The following FYB1 variants were observed in gnomAD, a reference collection of about 807,000 sequenced individuals.
FYB1 encodes FYN binding protein 1.
A neutral mutation model predicts 94.1 loss-of-function variants in FYB1; 41 were observed. The observed-to-expected ratio is 0.44, with a 90% CI of 0.34 to 0.57. The LOEUF (loss-of-function observed/expected upper bound fraction) is 0.57. FYB1 is among the 20% of genes least tolerant of loss of function. The pLI is 0.02. For synonymous variants in FYB1, 367 were observed against 353.2 expected (o/e 1.04, Z -0.44); for missense variants, 1,050 against 976.8 (o/e 1.07, Z -1.00).
intron 7 of FYB1, among the ~76,000 whole-genome samples, chr5:39,135,857 T>C (rs1037007564): frequency 6.6e-6 from 1 of 152,198 alleles, no homozygotes; most frequent in African/African-American, 2.4e-5. Context: ...TATTATCATC[T>C]TGTGAAAGGA....
At chr5:39,121,256 C>T (rs1205775706) in intron 14 of FYB1, among the ~76,000 whole-genome samples, 1 of 140,972 alleles carries the variant, frequency 7.1e-6, no homozygotes, top group Non-Finnish European at 1.5e-5. Flanking sequence ...AATAGTAAAA[C>T]CTGAACATAT....
At position 39,147,830 on chromosome 5, in the gene FYB1, G is replaced by A. The variant is rs188879929; in HGVS notation, c.1292+5618C>T. Among the ~76,000 whole-genome samples, 206 of 149,712 alleles carry A rather than the reference G, an allele frequency of 1.4e-3. 2 individuals carry two copies. The East Asian group carries it at 0.018, about 13-fold the overall frequency. ...CGAGTAGCTGGGACTGCAGGCGCCC[G>A]CCACCACGCCCGGCTAATTTTTTGT... On this transcript the variant is annotated intron_variant, in intron 3 of 18. Coordinates refer to ENST00000512982, the MANE Select transcript of FYB1 (RefSeq NM_001465.6).
rs759778036 is a variant in FYB1, at chr5:39,202,675, C to T, written c.286G>A (p.Ala96Thr). ...TGAGQRFGTP[A>T]SLTTRDPEAK... Reference sequence around the variant, plus strand: ...TCGGGGTCTCTGGTGGTCAAGCTGGCTGGTGTTCCGAATCTTTGGCCTGCT... The same window carrying T: ...TCGGGGTCTCTGGTGGTCAAGCTGGTTGGTGTTCCGAATCTTTGGCCTGCT... Residue 96 changes from alanine (A) to threonine (T), a missense_variant, in exon 2 of 19, where the codon GCC becomes ACC. Ala to Thr is a moderately conservative substitution (Grantham distance 58). Coordinates refer to ENST00000512982, the MANE Select transcript of FYB1 (RefSeq NM_001465.6). 3 of 1,613,836 alleles carry T rather than the reference C, an allele frequency of 1.9e-6. No homozygotes were observed. The South Asian group carries it at 3.3e-5, about 18-fold the overall frequency.
intron 2 of FYB1, among the ~76,000 whole-genome samples, chr5:39,175,772 G>T (rs1052968632): frequency 6.6e-6 from 1 of 152,134 alleles, no homozygotes; most frequent in African/African-American, 2.4e-5. Context: ...TCAAGGAAGT[G>T]TTTGGAATTG....
intron 17 of FYB1, 96 bp downstream of exon 17, chr5:39,110,260 A>G (rs1738941127): frequency 1.5e-6 from 1 of 677,406 alleles, no homozygotes; most frequent in Non-Finnish European, 2.5e-6. Context: ...ATGATAGTTG[A>G]GTAGGTTACA....
intron 1 of FYB1, among the ~76,000 whole-genome samples, chr5:39,238,756 T>C (rs369524258): frequency 6.6e-6 from 1 of 152,218 alleles, no homozygotes; most frequent in Middle Eastern, 3.4e-3. Flanking sequence ...GATGGAAAGA[T>C]GATTAAGCCT....
At chr5:39,251,690 A>C (rs368157450) in intron 1 of FYB1, among the ~76,000 whole-genome samples, 37 of 152,338 alleles carry the variant, frequency 2.4e-4, no homozygotes, top group African/African-American at 8.9e-4. Context: ...AGGATTTAAG[A>C]ACTAAGTAAA....
chr5:39,154,924 T>G (rs545756791), intron 2 of FYB1, among the ~76,000 whole-genome samples: 10 of 152,316 alleles, frequency 6.6e-5, no homozygotes, highest in Admixed American at 5.2e-4. Flanking sequence ...TCAAATACTT[T>G]GCCTATTTCA....
intron 1 of FYB1, among the ~76,000 whole-genome samples, chr5:39,257,151 C>T (rs1398646313): frequency 1.3e-5 from 2 of 152,166 alleles, no homozygotes; most frequent in Non-Finnish European, 2.9e-5. Context: ...GTTTCTGTAG[C>T]TCAAATCTGA....
intron 1 of FYB1, among the ~76,000 whole-genome samples, chr5:39,245,028 T>C (rs2150596499): frequency 6.6e-6 from 1 of 152,348 alleles, no homozygotes; most frequent in Non-Finnish European, 1.5e-5. Flanking sequence ...GATTATTTTC[T>C]CTTTTCTTCT....
intron 2 of FYB1, among the ~76,000 whole-genome samples, chr5:39,197,381 G>A (rs1288177210): frequency 3.3e-5 from 5 of 152,054 alleles, no homozygotes; most frequent in Non-Finnish European, 7.4e-5. Context: ...TGGAAGCCCT[G>A]TTATATGAAA....
intron 6 of FYB1, 120 bp from the exon 7 acceptor site, chr5:39,137,840 A>T: frequency 7.4e-7 from 1 of 1,350,670 alleles, no homozygotes; most frequent in East Asian, 2.5e-5. Context: ...GTTGAAGGTA[A>T]AAAGCGAAAG....
intron 3 of FYB1, among the ~76,000 whole-genome samples, chr5:39,148,338 A>T (rs1742936940): frequency 4.1e-5 from 3 of 72,952 alleles, no homozygotes; most frequent in African/African-American, 1.4e-4. Flanking sequence ...CTGGCCTTTT[A>T]CTTTATTGGC....
chr5:39,147,014 A>C (rs1412064537), intron 3 of FYB1, among the ~76,000 whole-genome samples: 1 of 152,162 alleles, frequency 6.6e-6, no homozygotes, highest in African/African-American at 2.4e-5. Flanking sequence ...GAGTAAGAGA[A>C]AAACAATGGA....
At chr5:39,204,246 G>A (rs2150504097) in intron 1 of FYB1, among the ~76,000 whole-genome samples, 1 of 152,278 alleles carries the variant, frequency 6.6e-6, no homozygotes, top group Middle Eastern at 3.4e-3. Context: ...CTACCATTTA[G>A]TGGGGGGTAA....
At chr5:39,161,079 C>T (rs1235255541) in intron 2 of FYB1, among the ~76,000 whole-genome samples, 1 of 152,206 alleles carries the variant, frequency 6.6e-6, no homozygotes, top group Non-Finnish European at 1.5e-5. Flanking sequence ...GTACGCAGAG[C>T]ACTGGTATGT....
upstream of FYB1, among the ~76,000 whole-genome samples, chr5:39,223,252 A>T (rs1427760630): frequency 1.3e-5 from 2 of 152,176 alleles, no homozygotes; most frequent in Non-Finnish European, 2.9e-5. Context: ...TAAGACTTTT[A>T]AGACACCGTA....
intron 13 of FYB1, 86 bp downstream of exon 13, chr5:39,124,167 A>G: frequency 1.1e-6 from 1 of 893,660 alleles, no homozygotes; most frequent in Non-Finnish European, 1.7e-6. Context: ...TCAAGACTTT[A>G]ATGCAGATAC....
At chr5:39,131,543 G>A (rs1422862250) in intron 9 of FYB1, among the ~76,000 whole-genome samples, 3 of 152,170 alleles carry the variant, frequency 2.0e-5, no homozygotes, top group Non-Finnish European at 4.4e-5. Flanking sequence ...CAGATCTCCT[G>A]TTAAATTTGA....
Sources: gnomAD v4.1 joint callset for allele counts (sites outside exome capture counted in the v4.1 genomes callset) on GRCh38, gnomAD v4.1.1 for gene constraint, MANE v1.5 for transcripts, NCBI Gene and HGNC (gene_info 2026-07-23, HGNC 2026-07-21) for gene names.